The following CSMD1 variants were observed in gnomAD, a reference collection of about 807,000 sequenced individuals.
The protein encoded by CSMD1 is CUB and sushi domain-containing protein 1.
A neutral mutation model predicts 417.5 loss-of-function variants in CSMD1; 213 were observed. The ratio of observed to expected loss-of-function variants is 0.51; its 90% CI spans 0.46 to 0.57. CSMD1 has a LOEUF of 0.57. CSMD1 is among the 20% of genes least tolerant of loss of function. CSMD1 has a pLI of 0.00. For synonymous variants in CSMD1, 2,862 were observed against 1,736.8 expected (o/e 1.65, Z -16.11); for missense variants, 6,923 against 4,529.7 (o/e 1.53, Z -15.17).
intron 2 of CSMD1, among the ~76,000 whole-genome samples, chr8:4,488,952 C>T (rs1463437401): frequency 6.6e-6 from 1 of 152,170 alleles, no homozygotes; most frequent in African/African-American, 2.4e-5. Context: ...TGCTCTTTCA[C>T]CCAGGCTGAA....
chr8:4,712,433 C>T (rs1808365495), intron 1 of CSMD1, among the ~76,000 whole-genome samples: 1 of 152,214 alleles, frequency 6.6e-6, no homozygotes, highest in African/African-American at 2.4e-5. Context: ...GGACTACCTA[C>T]TCTTACTCTG....
intron 26 of CSMD1, among the ~76,000 whole-genome samples, chr8:3,260,437 G>C (rs557202822): frequency 6.6e-6 from 1 of 152,064 alleles, no homozygotes; most frequent in African/African-American, 2.4e-5. Context: ...CCCCATCGGG[G>C]TGCATCAACT....
At chr8:3,168,364 T>C (rs774005544) in intron 37 of CSMD1, among the ~76,000 whole-genome samples, 6 of 152,194 alleles carry the variant, frequency 3.9e-5, no homozygotes, top group Non-Finnish European at 7.3e-5. Context: ...ATTCCTCTTT[T>C]TCTAGATGCG....
Position 4,143,234 on chromosome 8 carries a change from T to A in CSMD1, c.416-111135A>T, listed in dbSNP as rs932844337. Among the ~76,000 whole-genome samples, 10 of 151,286 alleles carry A rather than the reference T, an allele frequency of 6.6e-5. 1 individual carries two copies. The highest frequency in any genetic ancestry group is 6.6e-4 in the Admixed American group (10 of 15,256). On this transcript the variant is annotated intron_variant, in intron 3 of 69. Coordinates refer to ENST00000635120, the MANE Select transcript of CSMD1 (RefSeq NM_033225.6). ...CAGAACGGTGTGGTCTAAACCCTCT[T>A]ATAGGGTTAGCACTATCTTTTTCCA...
intron 37 of CSMD1, among the ~76,000 whole-genome samples, chr8:3,167,291 G>GAAAAGAAAAAAAAAAAAAA (rs547453018): frequency 3.9e-5 from 4 of 102,598 alleles, no homozygotes; most frequent in South Asian, 6.3e-4. Context: ...CTTGGAAAAA[G>GAAAAGAAAAAAAAAAAAAA]AAAAAAAAAA....
At chr8:4,039,175 G>A (rs1454933321) in intron 3 of CSMD1, among the ~76,000 whole-genome samples, 1 of 152,166 alleles carries the variant, frequency 6.6e-6, no homozygotes, top group African/African-American at 2.4e-5. Flanking sequence ...ATTTCATGAG[G>A]TGGATTCATC....
chr8:3,800,056 T>C (rs1398730526), intron 5 of CSMD1, among the ~76,000 whole-genome samples: 1 of 152,144 alleles, frequency 6.6e-6, no homozygotes, highest in Non-Finnish European at 1.5e-5. Context: ...CACTGAAATA[T>C]GGAGAAAAAC....
intron 5 of CSMD1, among the ~76,000 whole-genome samples, chr8:3,980,624 C>G (rs930257391): frequency 1.3e-4 from 20 of 152,140 alleles, no homozygotes; most frequent in African/African-American, 4.1e-4. Flanking sequence ...TGATGCCTTA[C>G]TTTTTGCTTA....
intron 3 of CSMD1, among the ~76,000 whole-genome samples, chr8:4,379,509 G>T (rs894028345): frequency 6.6e-6 from 1 of 152,174 alleles, no homozygotes. Context: ...GTTAGCACTG[G>T]AAGGCAAGTG....
At position 4,322,031 on chromosome 8, in the gene CSMD1, G is replaced by C. The variant is rs182695404; in HGVS notation, c.415+97922C>G. 1.8e-4 allele frequency among the ~76,000 whole-genome samples: 27 copies of C among 152,096 alleles called. 1 individual carries two copies. In the East Asian group the frequency reaches 4.8e-3, roughly 27 times the overall value. ...TCAAAAAAGCTATTCCATTAATTTA[G>C]TTCATATTTTAAATGCCTAATTCAC... On this transcript the variant is annotated intron_variant, in intron 3 of 69. Transcript: ENST00000635120.
intron 52 of CSMD1, among the ~76,000 whole-genome samples, chr8:3,004,697 C>G (rs1198776620): frequency 6.6e-6 from 1 of 152,172 alleles, no homozygotes; most frequent in Admixed American, 6.5e-5. Flanking sequence ...TCTTCATTTT[C>G]TCCATGCTGA....
intron 5 of CSMD1, among the ~76,000 whole-genome samples, chr8:3,931,871 T>C (rs544827392): frequency 1.4e-5 from 2 of 146,992 alleles, no homozygotes; most frequent in South Asian, 4.5e-4. Flanking sequence ...GGAGAAGTGA[T>C]TTTGGTTGTC....
At chr8:3,906,693 T>TA (rs907776469) in intron 5 of CSMD1, among the ~76,000 whole-genome samples, 17 of 151,946 alleles carry the variant, frequency 1.1e-4, no homozygotes, top group Non-Finnish European at 2.4e-4. Context: ...ATGTTTTATG[T>TA]AAAAAAATGT....
intron 4 of CSMD1, among the ~76,000 whole-genome samples, chr8:4,008,019 TTG>T (rs933813125): frequency 8.5e-5 from 13 of 152,220 alleles, no homozygotes; most frequent in African/African-American, 2.9e-4. Context: ...AGAGGTTTAT[TTG>T]TGTGTTTTTG....
intron 3 of CSMD1, among the ~76,000 whole-genome samples, chr8:4,053,442 C>G (rs1031359042): frequency 5.9e-5 from 9 of 151,952 alleles, no homozygotes; most frequent in African/African-American, 2.2e-4. Flanking sequence ...ATCATGGTCT[C>G]GGTGGGGAAC....
intron 26 of CSMD1, among the ~76,000 whole-genome samples, chr8:3,257,916 T>C (rs755244522): frequency 2.6e-5 from 4 of 152,108 alleles, no homozygotes; most frequent in South Asian, 2.1e-4. Flanking sequence ...GTGAAGCTTA[T>C]ATTTTAAAGA....
intron 5 of CSMD1, among the ~76,000 whole-genome samples, chr8:3,880,313 A>T (rs17067852): frequency 0.028 from 4,332 of 152,240 alleles, 106 homozygotes; most frequent in Non-Finnish European, 0.042. Context: ...TTTTTCAAAA[A>T]CTATCCCATT....
chr8:4,044,491 G>A lies in CSMD1; in HGVS notation c.416-12392C>T, dbSNP rs115110794. Among the ~76,000 whole-genome samples, 347 of 152,206 alleles carry A rather than the reference G, an allele frequency of 2.3e-3. 2 individuals carry two copies. The highest frequency in any genetic ancestry group is 7.8e-3 in the African/African-American group (323 of 41,528). On this transcript the variant is annotated intron_variant, in intron 3 of 69. Transcript: ENST00000635120. The stretch of plus-strand genomic sequence containing the variant: ...GAGGGTCACATCTCAGGGGACCAGC[G>A]ACCCCTCCAGAGGGAGGAAGGACAG...
intron 6 of CSMD1, among the ~76,000 whole-genome samples, chr8:3,732,198 C>A (rs535518343): frequency 1.3e-5 from 2 of 152,124 alleles, no homozygotes; most frequent in African/African-American, 2.4e-5. Flanking sequence ...AGAGTCTTTC[C>A]GAGAGGACTC....
Sources: allele counts gnomAD v4.1 joint callset (sites outside exome capture counted in the v4.1 genomes callset), GRCh38; gene constraint gnomAD v4.1.1; transcripts MANE v1.5; gene names NCBI Gene and HGNC (gene_info 2026-07-23, HGNC 2026-07-21).